Variants in PCDHA10 observed in about 807,000 individuals in gnomAD.
The protein encoded by PCDHA10 is protocadherin alpha 10, also known as protocadherin alpha-10.
In PCDHA10, 45 loss-of-function variants were observed where a neutral mutation model predicts 61.2. That is an observed-to-expected ratio of 0.74 (90% CI 0.58 to 0.94). The LOEUF (loss-of-function observed/expected upper bound fraction) is 0.94. Among genes scored for constraint, PCDHA10 ranks in the 40% least tolerant of loss-of-function variants. PCDHA10 has a pLI of 0.00. For missense variants in PCDHA10, 1,278 were observed against 1,236.2 expected (o/e 1.03, Z -0.51); for synonymous variants, 602 against 548.8 (o/e 1.10, Z -1.35).
At chr5:140,860,617 A>G (rs2046479685) in intron 1 of PCDHA10, 1 of 152,238 alleles carries the variant, frequency 6.6e-6, no homozygotes, top group Non-Finnish European at 1.5e-5. Context: ...GAGAAACATA[A>G]ACATATGCAG....
At chr5:140,970,893 T>C (rs568576965) in intron 1 of PCDHA10, among the ~76,000 whole-genome samples, 3 of 152,200 alleles carry the variant, frequency 2.0e-5, no homozygotes, top group Non-Finnish European at 4.4e-5. Context: ...CATGGACATT[T>C]CAGATAGATT....
rs147892853 is a variant in PCDHA10 at position 140,979,173 on chromosome 5, C to A, written c.2447+166C>A. ...CCCATGTTTATTCCTTGAAAGATCG[C>A]AAATGGTCAGTGCCAGATGCTTATC... On this transcript the variant is annotated intron_variant, in intron 2 of 3. Transcript: ENST00000307360. The A allele has an allele frequency of 5.2e-6, 5 of 958,838 alleles. No individual in the cohort carries two copies. The Admixed American group carries it at 3.1e-4, about 59-fold the overall frequency. 59.4% of individuals were successfully genotyped at this position (958,838 alleles called of 1,614,324 possible).
chr5:140,920,974 A>G (rs77459262), intron 1 of PCDHA10, among the ~76,000 whole-genome samples: 17,697 of 151,984 alleles, frequency 0.12, 1,149 homozygotes, highest in Middle Eastern at 0.19. Context: ...CTAGAGTATA[A>G]TATTGTATTT....
intron 1 of PCDHA10, chr5:140,881,349 A>G: frequency 2.0e-6 from 2 of 985,302 alleles, no homozygotes; most frequent in Non-Finnish European, 2.4e-6. Flanking sequence ...TCGGGCTACA[A>G]TGCGTGGCTT....
intron 1 of PCDHA10, among the ~76,000 whole-genome samples, chr5:140,918,659 G>A (rs1584109247): frequency 6.6e-6 from 1 of 152,172 alleles, no homozygotes; most frequent in Non-Finnish European, 1.5e-5. Context: ...TTCTCATGTT[G>A]ATGGTATGAA....
At chr5:140,869,975 T>C (rs1562636456) in intron 1 of PCDHA10, 1 of 1,613,324 alleles carries the variant, frequency 6.2e-7, no homozygotes, top group Non-Finnish European at 8.5e-7. Flanking sequence ...GGAAGACACT[T>C]ATTTACACTA....
intron 1 of PCDHA10, among the ~76,000 whole-genome samples, chr5:140,960,124 T>C (rs966679082): frequency 3.3e-5 from 5 of 152,216 alleles, no homozygotes; most frequent in African/African-American, 1.2e-4. Flanking sequence ...GTATTCCTTA[T>C]GAAATACTTA....
intron 1 of PCDHA10, among the ~76,000 whole-genome samples, chr5:140,916,395 G>A (rs2077556484): frequency 6.6e-6 from 1 of 152,180 alleles, no homozygotes; most frequent in African/African-American, 2.4e-5. Flanking sequence ...GGAATGTGCT[G>A]GATCACACCT....
chr5:140,935,051 C>T (rs1554210307), intron 1 of PCDHA10, among the ~76,000 whole-genome samples: 1 of 152,096 alleles, frequency 6.6e-6, no homozygotes, highest in African/African-American at 2.4e-5. Context: ...TCTGGTATTA[C>T]AAGATGTTCA....
At chr5:140,870,906 C>A (rs201710263) in intron 1 of PCDHA10, 2 of 1,613,946 alleles carry the variant, frequency 1.2e-6, no homozygotes, top group South Asian at 2.2e-5. Flanking sequence ...CGGACTCAGG[C>A]TACAACGCGT....
At chr5:140,878,516 G>A (rs2057626740) in intron 1 of PCDHA10, among the ~76,000 whole-genome samples, 1 of 152,122 alleles carries the variant, frequency 6.6e-6, no homozygotes. Context: ...CAGTACAGTT[G>A]GTAACCAACT....
chr5:140,870,409 G>T, intron 1 of PCDHA10: 1 of 1,614,226 alleles, frequency 6.2e-7, no homozygotes, highest in South Asian at 1.1e-5. Context: ...TTCTCTGTGG[G>T]CCACGGCCAG....
intron 1 of PCDHA10, among the ~76,000 whole-genome samples, chr5:140,959,250 G>A (rs2095476529): frequency 6.6e-6 from 1 of 152,030 alleles, no homozygotes. Context: ...GATAGTGCAT[G>A]ACTGTAGTCC....
intron 1 of PCDHA10, chr5:140,882,291 G>A: frequency 6.2e-7 from 1 of 1,613,650 alleles, no homozygotes; most frequent in Non-Finnish European, 8.5e-7. Flanking sequence ...TGGCAAGGAG[G>A]CCCAAGACCG....
chr5:140,903,367 T>G (rs1247838310), intron 1 of PCDHA10, among the ~76,000 whole-genome samples: 1 of 152,188 alleles, frequency 6.6e-6, no homozygotes, highest in African/African-American at 2.4e-5. Flanking sequence ...TTCAAAAATA[T>G]AGGGAGGATT....
intron 3 of PCDHA10, among the ~76,000 whole-genome samples, chr5:140,988,180 G>C (rs2097285964): frequency 1.3e-5 from 2 of 152,134 alleles, no homozygotes; most frequent in Admixed American, 1.3e-4. Context: ...TGACAGTCCT[G>C]GGAGGTGTGT....
intron 1 of PCDHA10, among the ~76,000 whole-genome samples, chr5:140,956,457 G>T (rs1197742299): frequency 2.0e-5 from 3 of 152,184 alleles, no homozygotes; most frequent in African/African-American, 7.2e-5. Flanking sequence ...TACATTTATT[G>T]ATTTGCATAT....
At chr5:140,882,643 C>T in intron 1 of PCDHA10, 1 of 1,614,190 alleles carries the variant, frequency 6.2e-7, no homozygotes, top group Non-Finnish European at 8.5e-7. Context: ...AGGTGAGGGA[C>T]ATTAACGACA....
At chr5:140,886,772 G>A (rs910164045) in intron 1 of PCDHA10, among the ~76,000 whole-genome samples, 16 of 143,450 alleles carry the variant, frequency 1.1e-4, no homozygotes, top group Non-Finnish European at 1.8e-4. Flanking sequence ...GTTGCAGTGA[G>A]ATGAGATCAT....
Sources: allele counts gnomAD v4.1 joint callset (sites outside exome capture counted in the v4.1 genomes callset), GRCh38; gene constraint gnomAD v4.1.1; transcripts MANE v1.5; gene names NCBI Gene and HGNC (gene_info 2026-07-23, HGNC 2026-07-21).